Variants in GALNT14 observed in about 807,000 individuals in gnomAD.
The protein encoded by GALNT14 is UDP-GalNAc:polypeptide N-acetylgalactosaminyltransferase 14.
In GALNT14, 60 loss-of-function variants were observed where a neutral mutation model predicts 77.5. The observed-to-expected ratio is 0.77, with a 90% CI of 0.63 to 0.96. The LOEUF (loss-of-function observed/expected upper bound fraction) is 0.96, where lower values mean the gene tolerates loss of function less well. Among genes scored for constraint, GALNT14 ranks in the 40% least tolerant of loss-of-function variants. The pLI is 0.00. For missense variants in GALNT14, 710 were observed against 731.0 expected (o/e 0.97, Z 0.33); for synonymous variants, 280 against 281.7 (o/e 0.99, Z 0.06).
At chr2:30,937,052 C>T (rs1346341337) in intron 9 of GALNT14, among the ~76,000 whole-genome samples, 1 of 152,236 alleles carries the variant, frequency 6.6e-6, no homozygotes, top group East Asian at 1.9e-4. Flanking sequence ...ATTAGCTTTA[C>T]TCTCCATCTG....
At position 31,138,269 on chromosome 2, in the gene GALNT14, G is replaced by A; in HGVS notation, c.-183C>T. 1.4e-6 allele frequency: 1 copy of A among 712,012 alleles called. No homozygotes were observed. The highest frequency in any genetic ancestry group is 2.3e-6 in the Non-Finnish European group (1 of 439,120). 44.1% of individuals were successfully genotyped at this position (712,012 alleles called of 1,614,324 possible). ...TCCCGCTTCGAAGAGAAGCGAGCCTGGGTGGGGGGTGCAGGGCGACCCGAA... is the reference window on the plus strand; with the variant it reads ...TCCCGCTTCGAAGAGAAGCGAGCCTAGGTGGGGGGTGCAGGGCGACCCGAA... On this transcript the variant is annotated 5_prime_UTR_variant, in exon 1 of 15. Coordinates refer to ENST00000349752, the MANE Select transcript of GALNT14 (RefSeq NM_024572.4).
At chr2:31,048,485 G>C (rs1673623088) in intron 1 of GALNT14, among the ~76,000 whole-genome samples, 1 of 152,142 alleles carries the variant, frequency 6.6e-6, no homozygotes. Flanking sequence ...AGAAGCCTAA[G>C]GCTGGAAAGA....
intron 10 of GALNT14, among the ~76,000 whole-genome samples, chr2:30,930,832 A>G (rs866946546): frequency 6.6e-6 from 1 of 152,244 alleles, no homozygotes; most frequent in Admixed American, 6.5e-5. Context: ...CCATTAGCAC[A>G]TTGGAAGCTG....
chr2:31,065,171 T>C (rs1477101332), intron 1 of GALNT14: 1 of 151,910 alleles, frequency 6.6e-6, no homozygotes, highest in African/African-American at 2.4e-5. Flanking sequence ...TGTCTACTCA[T>C]TGGTTTTATT....
chr2:30,977,996 C>A (rs1373121861), intron 2 of GALNT14, among the ~76,000 whole-genome samples: 1 of 152,210 alleles, frequency 6.6e-6, no homozygotes, highest in African/African-American at 2.4e-5. Flanking sequence ...ATCTTCCTAA[C>A]ACACTGCTCT....
chr2:30,953,456 G>A (rs531518614), intron 6 of GALNT14, among the ~76,000 whole-genome samples: 6 of 151,958 alleles, frequency 3.9e-5, no homozygotes, highest in Non-Finnish European at 7.4e-5. Flanking sequence ...CTACAGGTGC[G>A]TGCCACCACA....
intron 9 of GALNT14, 123 bp downstream of exon 9, chr2:30,942,078 C>G (rs1056989918): frequency 2.3e-5 from 15 of 650,996 alleles, no homozygotes; most frequent in Non-Finnish European, 3.5e-5. Context: ...CTCCCAGGAC[C>G]TCATCCAAAG....
At chr2:31,097,893 T>C (rs1207824948) in intron 1 of GALNT14, among the ~76,000 whole-genome samples, 1 of 152,134 alleles carries the variant, frequency 6.6e-6, no homozygotes, top group Non-Finnish European at 1.5e-5. Context: ...CAGCACTAAC[T>C]AGCTGAGTAC....
At chr2:30,945,367 C>T (rs1666624948) in intron 7 of GALNT14, among the ~76,000 whole-genome samples, 1 of 152,190 alleles carries the variant, frequency 6.6e-6, no homozygotes, top group African/African-American at 2.4e-5. Context: ...ACAGTGGGCC[C>T]TATGTGGAGA....
chr2:31,121,963 A>G (rs1345803875), intron 1 of GALNT14, among the ~76,000 whole-genome samples: 1 of 152,194 alleles, frequency 6.6e-6, no homozygotes, highest in Non-Finnish European at 1.5e-5. Context: ...ACCAGGAAAT[A>G]GGCCATCTTC....
intron 1 of GALNT14, among the ~76,000 whole-genome samples, chr2:31,127,243 A>G (rs534753141): frequency 3.3e-5 from 5 of 152,248 alleles, no homozygotes; most frequent in Non-Finnish European, 7.4e-5. Context: ...CCAGAGATGA[A>G]TTTCGCCTGT....
At chr2:30,929,328 T>C (rs752879751) in intron 11 of GALNT14, 67 bp downstream of exon 11, 333 of 1,265,616 alleles carry the variant, frequency 2.6e-4, no homozygotes, top group Non-Finnish European at 3.6e-4. Flanking sequence ...CGGCACCCAT[T>C]TGCATCGGTC....
chr2:31,081,002 G>T (rs1205897791), intron 1 of GALNT14, among the ~76,000 whole-genome samples: 2 of 152,154 alleles, frequency 1.3e-5, no homozygotes, highest in East Asian at 3.9e-4. Flanking sequence ...TTTTTATTTG[G>T]CCTCAAGATG....
At chr2:31,131,303 C>G (rs1037392628) in intron 1 of GALNT14, among the ~76,000 whole-genome samples, 1 of 152,140 alleles carries the variant, frequency 6.6e-6, no homozygotes, top group Non-Finnish European at 1.5e-5. Context: ...ACACCCAGCC[C>G]AGGATAAATA....
chr2:30,958,919 ACT>A (rs1156264429), intron 3 of GALNT14, among the ~76,000 whole-genome samples: 3 of 151,774 alleles, frequency 2.0e-5, no homozygotes, highest in Admixed American at 1.3e-4. Context: ...TGATTGTGTG[ACT>A]CTCCTCGCCA....
At chr2:30,901,581 T>C in the GALNT14 span, among the ~76,000 whole-genome samples, 1 of 151,336 alleles carries the variant, frequency 6.6e-6, no homozygotes, top group African/African-American at 2.4e-5. Context: ...TGTGTATATA[T>C]GTGAGTATAT....
chr2:31,129,459 T>C (rs1678871370), intron 1 of GALNT14: 3 of 985,420 alleles, frequency 3.0e-6, no homozygotes, highest in Non-Finnish European at 3.6e-6. Flanking sequence ...CTGCCCACCA[T>C]AAGGACATTA....
At chr2:30,923,602 C>T (rs1481161877) in intron 13 of GALNT14, among the ~76,000 whole-genome samples, 1 of 152,170 alleles carries the variant, frequency 6.6e-6, no homozygotes, top group African/African-American at 2.4e-5. Flanking sequence ...AAGAAGGATG[C>T]TGCCCAGAGA....
intron 1 of GALNT14, among the ~76,000 whole-genome samples, chr2:31,100,183 G>C (rs1677195183): frequency 6.6e-6 from 1 of 151,996 alleles, no homozygotes; most frequent in Non-Finnish European, 1.5e-5. Flanking sequence ...ATCATTGATA[G>C]GTGGTTGGAA....
Sources: gnomAD v4.1 joint callset for allele counts (sites outside exome capture counted in the v4.1 genomes callset) on GRCh38, gnomAD v4.1.1 for gene constraint, MANE v1.5 for transcripts, NCBI Gene and HGNC (gene_info 2026-07-23, HGNC 2026-07-21) for gene names.